Variants in PAWR observed in about 807,000 individuals in gnomAD.
PAWR encodes the protein PRKC apoptosis WT1 regulator protein.
In PAWR, 23 loss-of-function variants were observed where a neutral mutation model predicts 32.0. The observed-to-expected ratio is 0.72, with a 90% confidence interval of 0.52 to 1.02. The LOEUF (loss-of-function observed/expected upper bound fraction) is 1.02. PAWR is among the 50% of genes least tolerant of loss of function. PAWR has a pLI of 0.00. For missense variants in PAWR, 457 were observed against 437.7 expected, an observed-to-expected ratio of 1.04 and a Z score of -0.39; for synonymous variants, 226 against 187.1, an observed-to-expected ratio of 1.21 and a Z score of -1.70.
Position 79,674,312 on chromosome 12 carries a change from T to G in PAWR, c.516+15417A>C, listed in dbSNP as rs561803016. On this transcript the variant is annotated intron_variant, in intron 2 of 6. Transcript: ENST00000328827. ...AACAAGCAAAGGAGAAAGGACTCCTTATTCAATAAACAGTGCTGAGATAAC... is the reference window on the plus strand; with the variant it reads ...AACAAGCAAAGGAGAAAGGACTCCTGATTCAATAAACAGTGCTGAGATAAC... 2.3e-4 allele frequency among the ~76,000 whole-genome samples: 35 copies of G among 152,148 alleles called. 1 individual carries two copies. Among genetic ancestry groups the G allele is most frequent in the Non-Finnish European group, 4.7e-4 (32 of 67,992 alleles).
At chr12:79,670,660 C>A (rs1005513303) in intron 2 of PAWR, among the ~76,000 whole-genome samples, 2 of 151,966 alleles carry the variant, frequency 1.3e-5, no homozygotes, top group Non-Finnish European at 2.9e-5. Flanking sequence ...TGTAACTGAA[C>A]CTTTCTTATA....
chr12:79,610,096 C>T (rs1488048832), intron 4 of PAWR, among the ~76,000 whole-genome samples: 1 of 152,082 alleles, frequency 6.6e-6, no homozygotes, highest in African/African-American at 2.4e-5. Context: ...CACCAAAGTG[C>T]CTGGCTAGGT....
At position 79,618,633 on chromosome 12, in the gene PAWR, A is replaced by G. The variant is rs567036488; in HGVS notation, c.648+2443T>C. On this transcript the variant is annotated intron_variant, in intron 3 of 6. Transcript: ENST00000328827. ...AATCACCATTCTACTCTCTACTTCTATGAGTTTGACTTTTTTGGATTCCAC... is the reference window on the plus strand; with the variant it reads ...AATCACCATTCTACTCTCTACTTCTGTGAGTTTGACTTTTTTGGATTCCAC... Among the ~76,000 whole-genome samples the G allele has an allele frequency of 4.6e-5, 7 of 152,184 alleles. No individual in the cohort carries two copies. In the East Asian group the frequency reaches 5.8e-4, roughly 13 times the overall value.
chr12:79,593,146 C>T (rs1873617192), intron 6 of PAWR, among the ~76,000 whole-genome samples: 1 of 152,072 alleles, frequency 6.6e-6, no homozygotes, highest in Non-Finnish European at 1.5e-5. Context: ...AGATGCACTC[C>T]TACCACTGTC....
At chr12:79,642,118 G>A (rs776047869) in intron 2 of PAWR, among the ~76,000 whole-genome samples, 1 of 151,742 alleles carries the variant, frequency 6.6e-6, no homozygotes, top group Non-Finnish European at 1.5e-5. Context: ...TATAAAAAGG[G>A]AATAAAAGTA....
intron 2 of PAWR, 67 bp downstream of exon 2, chr12:79,689,662 G>A (rs964663312): frequency 2.7e-6 from 4 of 1,504,630 alleles, no homozygotes; most frequent in Non-Finnish European, 3.5e-6. Flanking sequence ...GTAGCTCCCA[G>A]GAGGAAGACA....
Position 79,585,206 on chromosome 12 carries a change from G to A in PAWR, c.*7401C>T. The A allele has an allele frequency of 2.2e-6, 1 of 444,696 alleles. No individual in the cohort carries two copies. The highest frequency in any genetic ancestry group is 4.5e-6 in the Non-Finnish European group (1 of 223,716). The allele number at this position is 444,696 out of a possible 1,614,324, so 27.5% of individuals were successfully genotyped here. A position where few individuals can be genotyped will look rare whatever the true frequency, so the allele number is the denominator to read the frequency against. On this transcript the variant is annotated 3_prime_UTR_variant, in exon 7 of 7. Transcript: ENST00000328827. The stretch of plus-strand genomic sequence containing the variant: ...AACAAGTTCATGTTATTTCTACAAT[G>A]TCCAAAAAGAAAGACCAAGATCTTT...
rs992527447 is a variant in PAWR at position 79,683,582 on chromosome 12, A to G, written c.516+6147T>C. ...GGACACTGATTCTAGTACTGTAACT[A>G]AAGTGGTAAGCAGTGGAAACTCCTT... On this transcript the variant is annotated intron_variant, in intron 2 of 6. Coordinates refer to ENST00000328827, the MANE Select transcript of PAWR (RefSeq NM_002583.4). Among the ~76,000 whole-genome samples, 67 of 152,032 alleles carry G rather than the reference A, an allele frequency of 4.4e-4. 2 individuals carry two copies. Among genetic ancestry groups the G allele is most frequent in the Non-Finnish European group, 2.9e-5 (2 of 67,972 alleles).
At chr12:79,640,061 C>A (rs1485259265) in intron 2 of PAWR, among the ~76,000 whole-genome samples, 2 of 152,004 alleles carry the variant, frequency 1.3e-5, no homozygotes, top group Admixed American at 1.3e-4. Context: ...CCTGCGAACA[C>A]ACCTGGCTAA....
intron 2 of PAWR, among the ~76,000 whole-genome samples, chr12:79,636,173 G>T (rs1381023770): frequency 6.6e-6 from 1 of 152,020 alleles, no homozygotes; most frequent in Non-Finnish European, 1.5e-5. Context: ...ACAGCTCAAA[G>T]ATTTTAATAT....
intron 2 of PAWR, among the ~76,000 whole-genome samples, chr12:79,650,646 T>C (rs1876797639): frequency 6.8e-6 from 1 of 147,940 alleles, no homozygotes; most frequent in South Asian, 2.1e-4. Context: ...ACAGACAATA[T>C]ATGAACAGGT....
At chr12:79,670,677 C>T (rs921890820) in intron 2 of PAWR, among the ~76,000 whole-genome samples, 1 of 152,078 alleles carries the variant, frequency 6.6e-6, no homozygotes, top group Non-Finnish European at 1.5e-5. Flanking sequence ...TATAACTACA[C>T]GAATTTATCA....
intron 3 of PAWR, among the ~76,000 whole-genome samples, chr12:79,613,980 T>TATATATATATATA (rs1874600875): frequency 1.7e-3 from 5 of 2,990 alleles, no homozygotes; most frequent in South Asian, 0.042. Flanking sequence ...TATATATATA[T>TATATATATATATA]TTTTTTTTTT....
At position 79,585,220 on chromosome 12, in the gene PAWR, A is replaced by C. The variant is rs1220776167; in HGVS notation, c.*7387T>G. ...ATTTCTACAATGTCCAAAAAGAAAG[A>C]CCAAGATCTTTGCTTAAAAATAGAA... On this transcript the variant is annotated 3_prime_UTR_variant, in exon 7 of 7. Coordinates refer to ENST00000328827, the MANE Select transcript of PAWR (RefSeq NM_002583.4). 5 of 435,008 alleles carry C rather than the reference A, an allele frequency of 1.1e-5. No individual in the cohort carries two copies. The highest frequency in any genetic ancestry group is 6.2e-5 in the African/African-American group (3 of 48,662). The allele number at this position is 435,008 out of a possible 1,614,324, so 26.9% of individuals were successfully genotyped here.
chr12:79,632,347 A>ATG (rs1875730910), intron 2 of PAWR, among the ~76,000 whole-genome samples: 3 of 49,584 alleles, frequency 6.1e-5, no homozygotes, highest in Non-Finnish European at 8.8e-5. Context: ...ATATATATAT[A>ATG]TATATATATA....
chr12:79,615,545 T>TA (rs1874687627), intron 3 of PAWR, among the ~76,000 whole-genome samples: 1 of 152,288 alleles, frequency 6.6e-6, no homozygotes, highest in South Asian at 2.1e-4. Context: ...CAGCTGTTCT[T>TA]ACAGCAAGGA....
rs1873384251 is a variant in PAWR at position 79,586,287 on chromosome 12, C to G, written c.*6320G>C. On this transcript the variant is annotated 3_prime_UTR_variant, in exon 7 of 7. Transcript: ENST00000328827. Reference sequence around the variant, plus strand: ...TACTATCAGATGAATGTATTCTTACCAATCATGATTTACGTTTTTCAAATG... The same window carrying G: ...TACTATCAGATGAATGTATTCTTACGAATCATGATTTACGTTTTTCAAATG... The G allele has an allele frequency of 6.6e-6, 1 of 152,582 alleles. No individual in the cohort carries two copies. Among genetic ancestry groups the G allele is most frequent in the African/African-American group, 2.4e-5 (1 of 41,428 alleles). 9.5% of individuals were successfully genotyped at this position (152,582 alleles called of 1,614,324 possible).
chr12:79,661,634 T>A (rs542933015), intron 2 of PAWR, among the ~76,000 whole-genome samples: 6 of 152,204 alleles, frequency 3.9e-5, no homozygotes, highest in African/African-American at 1.2e-4. Context: ...AAAAAAACTA[T>A]TAAAACTAGG....
At chr12:79,602,074 T>C (rs902021760) in intron 4 of PAWR, among the ~76,000 whole-genome samples, 6 of 152,198 alleles carry the variant, frequency 3.9e-5, no homozygotes, top group African/African-American at 1.4e-4. Flanking sequence ...TAAATCCGCA[T>C]AGATGGACAT....
Sources: gnomAD v4.1 joint callset for allele counts (sites outside exome capture counted in the v4.1 genomes callset) on GRCh38, gnomAD v4.1.1 for gene constraint, MANE v1.5 for transcripts, NCBI Gene and HGNC (gene_info 2026-07-23, HGNC 2026-07-21) for gene names.